The following TSC1 variants were observed in gnomAD, a reference collection of about 807,000 sequenced individuals.
TSC1 encodes TSC complex subunit 1, also known as hamartin.
In TSC1, 20 loss-of-function variants were observed where a neutral mutation model predicts 124.3. That is an observed-to-expected ratio of 0.16 (90% CI 0.11 to 0.23). TSC1 has a LOEUF of 0.23. Ranked by LOEUF, TSC1 falls within the 10% of genes least tolerant of loss-of-function variation. The pLI is 1.00. For synonymous variants in TSC1, 493 were observed against 539.1 expected, an observed-to-expected ratio of 0.91 and a Z score of 1.19; for missense variants, 1,124 against 1,448.5, an observed-to-expected ratio of 0.78 and a Z score of 3.64.
rs1480836559 is a variant in TSC1 at position 132,896,054 on chromosome 9, CA to C, written c.*180del. 60 of 836,714 alleles carry C rather than the reference CA, an allele frequency of 7.2e-5. No homozygotes were observed. Among genetic ancestry groups the C allele is most frequent in the Admixed American group, 9.4e-5 (5 of 53,390 alleles). 51.8% of individuals were successfully genotyped at this position (836,714 alleles called of 1,614,324 possible). On this transcript the variant is annotated 3_prime_UTR_variant, in exon 23 of 23. Transcript: ENST00000298552. The surrounding 1 kb of genome is among the most constrained non-coding windows in gnomAD (Gnocchi z 4.5). ...GCGGGTGGAGGGGAAGGTCAAGAGG[CA>C]TTTCAATGCCAGATCCAAAAACCGT...
chr9:132,925,184 A>G (rs543959791), intron 5 of TSC1, among the ~76,000 whole-genome samples: 1 of 152,354 alleles, frequency 6.6e-6, no homozygotes, highest in South Asian at 2.1e-4. Context: ...TATAGCTGCA[A>G]CCAGACCATA....
chr9:132,892,407 T>C lies in TSC1; in HGVS notation c.*3828A>G, dbSNP rs142666298. The C allele has an allele frequency of 1.5e-3, 350 of 233,272 alleles. No individual in the cohort carries two copies. The highest frequency in any genetic ancestry group is 7.1e-3 in the African/African-American group (324 of 45,438). The allele number at this position is 233,272 out of a possible 1,614,324, so 14.5% of individuals were successfully genotyped here. Reference sequence around the variant, plus strand: ...TTTTCCAATACTTGTTGCGGGTCGGTTTTAAAGCATGTACCCTGGAGAGTG... The same window carrying C: ...TTTTCCAATACTTGTTGCGGGTCGGCTTTAAAGCATGTACCCTGGAGAGTG... On this transcript the variant is annotated 3_prime_UTR_variant, in exon 23 of 23. Transcript: ENST00000298552.
intron 8 of TSC1, among the ~76,000 whole-genome samples, chr9:132,916,465 C>T (rs1237731609): frequency 6.6e-6 from 1 of 152,146 alleles, no homozygotes; most frequent in Non-Finnish European, 1.5e-5. Flanking sequence ...AGGACTCTTC[C>T]ATATATCCTT....
chr9:132,896,546 G>A lies in TSC1; in HGVS notation c.3184C>T (p.Arg1062Trp), dbSNP rs118203745. 1.4e-4 allele frequency: 220 copies of A among 1,614,048 alleles called. No individual in the cohort carries two copies. Among genetic ancestry groups the A allele is most frequent in the Admixed American group, 4.5e-4 (27 of 59,996 alleles). ...PHQRAGPFSS[R>W]WETTMGEASA... ...GCTTCTCCCATAGTCGTCTCCCACC[G>A]ACTGCTGAATGGGCCTGCCCTCTGG... is the stretch of plus-strand genomic sequence containing the variant. The change falls in exon 23 of 23, where the codon CGG (arginine) becomes TGG (tryptophan). Residue 1062 changes from arginine to tryptophan, a missense_variant. Arg to Trp is a moderately radical substitution (Grantham distance 101, BLOSUM62 -3). Transcript: ENST00000298552. This position sits in a 1 kb window ranked among gnomAD's most constrained non-coding sequence, Gnocchi z 4.5.
intron 12 of TSC1, among the ~76,000 whole-genome samples, chr9:132,909,258 A>G (rs546921828): frequency 3.3e-5 from 5 of 152,172 alleles, no homozygotes. Context: ...CGTATCATAC[A>G]TTGGACACTC....
chr9:132,897,389 T>C lies in TSC1; in HGVS notation c.2813+34A>G, dbSNP rs539802197. Reference sequence around the variant, plus strand: ...CCAGAATATAGGAAGTTCCACTTAATAAAAACACAAAAGCCTTTCCTGATG... The same window carrying C: ...CCAGAATATAGGAAGTTCCACTTAACAAAAACACAAAAGCCTTTCCTGATG... On this transcript the variant is annotated intron_variant, in intron 21 of 22. Transcript: ENST00000298552. The C allele has an allele frequency of 6.8e-6, 11 of 1,614,194 alleles. No homozygotes were observed. The Admixed American group carries it at 1.7e-4, about 24-fold the overall frequency.
At position 132,902,832 on chromosome 9, in the gene TSC1, C is replaced by A. The variant is rs1845459569; in HGVS notation, c.2209-45G>T. On this transcript the variant is annotated intron_variant, in intron 17 of 22. Coordinates refer to ENST00000298552, the MANE Select transcript of TSC1 (RefSeq NM_000368.5). The surrounding 1 kb of genome is among the most constrained non-coding windows in gnomAD (Gnocchi z 5.2). ...TCATCATTTTAGCTGTCTTCCAACA[C>A]AGGCAATTTAACACACACTGCGAAC... The A allele has an allele frequency of 1.2e-6, 2 of 1,608,038 alleles. No homozygotes were observed. Among genetic ancestry groups the A allele is most frequent in the Non-Finnish European group, 8.5e-7 (1 of 1,176,664 alleles).
intron 1 of TSC1, among the ~76,000 whole-genome samples, chr9:132,939,833 A>C (rs2132462921): frequency 6.6e-6 from 1 of 152,336 alleles, no homozygotes; most frequent in Non-Finnish European, 1.5e-5. Context: ...TGGCACCACG[A>C]GCAGGAGCCT....
chr9:132,938,719 A>G (rs1327796655), intron 1 of TSC1, among the ~76,000 whole-genome samples: 2 of 152,188 alleles, frequency 1.3e-5, no homozygotes, highest in Admixed American at 6.5e-5. Flanking sequence ...AAGATGCATT[A>G]TGAGCTGTGA....
intron 8 of TSC1, among the ~76,000 whole-genome samples, chr9:132,916,500 A>G (rs1260800268): frequency 1.3e-5 from 2 of 152,210 alleles, no homozygotes. Flanking sequence ...TGCTCTCAAA[A>G]TAAATATGTA....
In TSC1 at chr9:132,923,459, C is replaced by T. The variant is rs118203381; in HGVS notation, c.397G>A (p.Val133Ile). The change falls in exon 6 of 23, where the codon GTC (valine) becomes ATC (isoleucine). Residue 133 changes from valine to isoleucine, a missense_variant. Physicochemically the swap from Val to Ile is conservative, Grantham distance 29 (BLOSUM62 3). Around this residue, in one of 5 missense-constraint regions of TSC1, gnomAD observed 463 missense variants for 606.8 expected, o/e 0.76. Coordinates refer to ENST00000298552, the MANE Select transcript of TSC1 (RefSeq NM_000368.5). The surrounding 1 kb of genome is among the most constrained non-coding windows in gnomAD (Gnocchi z 4.2). The stretch of plus-strand genomic sequence containing the variant: ...GGTAGCATGGTTATCAACACCAAGA[C>T]GCCTGTTGTGAGGACAACGACGTCA... ...DTDVVVLTTGVLVLITMLPMI... is the reference protein window; with the variant it reads ...DTDVVVLTTGILVLITMLPMI... 13 of 1,614,024 alleles carry T rather than the reference C, an allele frequency of 8.1e-6. No homozygotes were observed. Among genetic ancestry groups the T allele is most frequent in the South Asian group, 4.4e-5 (4 of 91,090 alleles).
At chr9:132,910,759 T>C in intron 11 of TSC1, 67 bp from the exon 12 acceptor site, 1 of 1,605,832 alleles carries the variant, frequency 6.2e-7, no homozygotes, top group Admixed American at 1.7e-5. Flanking sequence ...CCGATTTTTT[T>C]TCAGCCTATA....
chr9:132,929,103 A>C, intron 2 of TSC1, 151 bp from the exon 3 acceptor site: 1 of 611,948 alleles, frequency 1.6e-6, no homozygotes. Flanking sequence ...CATTTAGCTG[A>C]TAAAAGAAGA....
In TSC1 at chr9:132,903,637, TC is replaced by T; in HGVS notation, c.2208+13del. The T allele has an allele frequency of 6.2e-7, 1 of 1,611,980 alleles. No individual in the cohort carries two copies. Among genetic ancestry groups the T allele is most frequent in the South Asian group, 1.1e-5 (1 of 90,994 alleles). Reference sequence around the variant, plus strand: ...CAAAAAGCAAGCTCCACCTGTCCCCTCCCCAGTCCTCACCATGGCAGCATTA... The same window carrying T: ...CAAAAAGCAAGCTCCACCTGTCCCCTCCCAGTCCTCACCATGGCAGCATTA... On this transcript the variant is annotated intron_variant, in intron 17 of 22. Coordinates refer to ENST00000298552, the MANE Select transcript of TSC1 (RefSeq NM_000368.5). The surrounding 1 kb of genome is among the most constrained non-coding windows in gnomAD (Gnocchi z 5.9).
intron 6 of TSC1, among the ~76,000 whole-genome samples, 196 bp from the exon 7 acceptor site, chr9:132,922,169 A>G (rs565798244): frequency 6.6e-6 from 1 of 152,274 alleles, no homozygotes; most frequent in East Asian, 1.9e-4. Context: ...AAATCCATCA[A>G]TGGCTCCCTA....
At chr9:132,912,214 A>G in intron 9 of TSC1, 68 bp downstream of exon 9, 1 of 1,595,696 alleles carries the variant, frequency 6.3e-7, no homozygotes, top group Non-Finnish European at 8.6e-7. Context: ...AAAGAAAATC[A>G]ACAAAGACAA....
intron 12 of TSC1, among the ~76,000 whole-genome samples, chr9:132,907,754 T>A (rs1845747915): frequency 6.6e-6 from 1 of 152,058 alleles, no homozygotes; most frequent in Non-Finnish European, 1.5e-5. Context: ...CCTCCCAAAG[T>A]GCTGGGACCA....
chr9:132,891,789 T>C lies in TSC1; in HGVS notation c.*4446A>G. On this transcript the variant is annotated 3_prime_UTR_variant, in exon 23 of 23. Coordinates refer to ENST00000298552, the MANE Select transcript of TSC1 (RefSeq NM_000368.5). The stretch of plus-strand genomic sequence containing the variant: ...CTGATTCTTCCTAGTGCAAAATGCG[T>C]GGCTGCCTCTTTCATAAGCCAAAGT... The C allele has an allele frequency of 4.3e-6, 1 of 233,722 alleles. No individual in the cohort carries two copies. Among genetic ancestry groups the C allele is most frequent in the Non-Finnish European group, 8.5e-6 (1 of 118,030 alleles). 14.5% of individuals were successfully genotyped at this position (233,722 alleles called of 1,614,324 possible).
intron 8 of TSC1, 84 bp from the exon 9 acceptor site, chr9:132,912,541 C>A: frequency 6.6e-7 from 1 of 1,523,890 alleles, no homozygotes; most frequent in Non-Finnish European, 9.0e-7. Flanking sequence ...GTGCCAGCCA[C>A]GGAACTCTGA....
Sources: allele counts gnomAD v4.1 joint callset (sites outside exome capture counted in the v4.1 genomes callset), GRCh38; gene constraint gnomAD v4.1.1; regional missense constraint gnomAD v4.1.1; non-coding constraint Gnocchi (gnomAD v3.1); transcripts MANE v1.5; gene names NCBI Gene and HGNC (gene_info 2026-07-23, HGNC 2026-07-21).